The following MTPN variants were observed in gnomAD, a reference collection of about 807,000 sequenced individuals.
MTPN encodes granule cell differentiation protein.
Under a neutral mutation model 13.5 loss-of-function variants are expected in MTPN, and 2 were observed. The observed-to-expected ratio is 0.15, with a 90% CI of 0.06 to 0.47. The LOEUF (loss-of-function observed/expected upper bound fraction) is 0.47, where lower values mean the gene tolerates loss of function less well. Ranked by LOEUF, MTPN falls within the 20% of genes least tolerant of loss-of-function variation. The pLI is 0.97. For missense variants in MTPN, 79 were observed against 137.9 expected, an observed-to-expected ratio of 0.57 and a Z score of 2.14; for synonymous variants, 46 against 51.7, an observed-to-expected ratio of 0.89 and a Z score of 0.48.
chr7:135,934,449 T>G (rs1209291743), intron 3 of MTPN, among the ~76,000 whole-genome samples: 1 of 152,202 alleles, frequency 6.6e-6, no homozygotes, highest in Non-Finnish European at 1.5e-5. Flanking sequence ...TTGTAATGAT[T>G]TGGAAGTGAC....
chr7:135,930,241 G>A (rs571043559), intron 3 of MTPN, among the ~76,000 whole-genome samples: 1 of 152,246 alleles, frequency 6.6e-6, no homozygotes, highest in East Asian at 1.9e-4. Flanking sequence ...GGCAATCACT[G>A]GCTTTTATTT....
chr7:135,951,030 G>A (rs1236185080), intron 2 of MTPN, among the ~76,000 whole-genome samples: 1 of 152,152 alleles, frequency 6.6e-6, no homozygotes, highest in Non-Finnish European at 1.5e-5. Flanking sequence ...GAAAACAGGG[G>A]TAAAACACAG....
chr7:135,942,165 A>G (rs1799224370), intron 3 of MTPN, among the ~76,000 whole-genome samples: 1 of 152,132 alleles, frequency 6.6e-6, no homozygotes, highest in South Asian at 2.1e-4. Flanking sequence ...CTGGGATTAC[A>G]GGCGTGAGCT....
chr7:135,960,186 T>G (rs1042129829), intron 1 of MTPN, among the ~76,000 whole-genome samples: 2 of 152,076 alleles, frequency 1.3e-5, no homozygotes, highest in African/African-American at 4.8e-5. Context: ...AATTATATCA[T>G]GTGATTAAAG....
At chr7:135,972,847 T>G (rs1249783350) in intron 1 of MTPN, among the ~76,000 whole-genome samples, 1 of 146,710 alleles carries the variant, frequency 6.8e-6, no homozygotes, top group Non-Finnish European at 1.5e-5. Context: ...TTAGAGGTGA[T>G]ACTTACCCTA....
At chr7:135,942,654 T>C (rs1799233048) in intron 3 of MTPN, among the ~76,000 whole-genome samples, 3 of 152,238 alleles carry the variant, frequency 2.0e-5, no homozygotes, top group Non-Finnish European at 4.4e-5. Flanking sequence ...CTCAAAACTG[T>C]ACTTGTACAT....
intron 1 of MTPN, among the ~76,000 whole-genome samples, chr7:135,963,539 C>T (rs370162568): frequency 2.0e-5 from 3 of 152,108 alleles, no homozygotes; most frequent in African/African-American, 4.8e-5. Flanking sequence ...GAAAAACAGA[C>T]AGATGGCACA....
At chr7:135,974,722 A>G (rs1051024098) in intron 1 of MTPN, among the ~76,000 whole-genome samples, 1 of 152,204 alleles carries the variant, frequency 6.6e-6, no homozygotes, top group African/African-American at 2.4e-5. Flanking sequence ...TTCTTTGTAC[A>G]CACCTACTCA....
intron 1 of MTPN, among the ~76,000 whole-genome samples, chr7:135,969,282 AG>A: frequency 6.6e-6 from 1 of 151,452 alleles, no homozygotes; most frequent in East Asian, 1.9e-4. Context: ...AGAAATTACT[AG>A]AAAAAATATT....
At chr7:135,934,321 C>T (rs567352827) in intron 3 of MTPN, among the ~76,000 whole-genome samples, 1 of 152,272 alleles carries the variant, frequency 6.6e-6, no homozygotes, top group South Asian at 2.1e-4. Flanking sequence ...AAGTTCCTTC[C>T]ATTCTGTTGA....
chr7:135,974,405 G>A (rs1039571020), intron 1 of MTPN, among the ~76,000 whole-genome samples: 23 of 152,142 alleles, frequency 1.5e-4, no homozygotes, highest in Middle Eastern at 3.4e-3. Context: ...GCTGGGTGTC[G>A]TGGTGTACAT....
chr7:135,949,626 A>G (rs548702274), intron 3 of MTPN, among the ~76,000 whole-genome samples: 4 of 152,202 alleles, frequency 2.6e-5, no homozygotes, highest in Admixed American at 6.5e-5. Context: ...TTTTAGAACC[A>G]TATCTTTACA....
intron 2 of MTPN, 50 bp downstream of exon 2, chr7:135,951,467 T>C (rs764008245): frequency 8.9e-7 from 1 of 1,118,818 alleles, no homozygotes; most frequent in Non-Finnish European, 1.3e-6. Flanking sequence ...CAATTACCCA[T>C]AGCATATTAA....
intron 1 of MTPN, among the ~76,000 whole-genome samples, chr7:135,972,696 A>C (rs1287691402): frequency 6.6e-6 from 1 of 152,112 alleles, no homozygotes; most frequent in Non-Finnish European, 1.5e-5. Context: ...GATGAGCAAA[A>C]CAGTAAAAGA....
chr7:135,951,464 C>A, intron 2 of MTPN, 53 bp downstream of exon 2: 3 of 1,055,420 alleles, frequency 2.8e-6, no homozygotes, highest in Non-Finnish European at 2.8e-6. Flanking sequence ...AAACAATTAC[C>A]CATAGCATAT....
chr7:135,942,045 G>A (rs534871584), intron 3 of MTPN, among the ~76,000 whole-genome samples: 2 of 151,738 alleles, frequency 1.3e-5, no homozygotes, highest in Admixed American at 6.6e-5. Flanking sequence ...CACCACGCCC[G>A]GCTAATTTTT....
In MTPN at chr7:135,927,170, A is replaced by G. The variant is rs1479745614; in HGVS notation, c.*2756T>C. ...AATCAAACAGATACATACAGATTTA[A>G]AATCCAGTACTTGGGAAAAGATATC... On this transcript the variant is annotated 3_prime_UTR_variant, in exon 4 of 4. Coordinates refer to ENST00000393085, the MANE Select transcript of MTPN (RefSeq NM_145808.4). The G allele has an allele frequency of 1.2e-6, 1 of 859,708 alleles. No homozygotes were observed. The highest frequency in any genetic ancestry group is 3.5e-5 in the Admixed American group (1 of 28,816). 53.3% of individuals were successfully genotyped at this position (859,708 alleles called of 1,614,324 possible).
chr7:135,935,559 A>C (rs1799102802), intron 3 of MTPN, among the ~76,000 whole-genome samples: 1 of 152,038 alleles, frequency 6.6e-6, no homozygotes, highest in African/African-American at 2.4e-5. Flanking sequence ...ACACAACTCT[A>C]ATTCAGACTC....
intron 1 of MTPN, among the ~76,000 whole-genome samples, chr7:135,955,386 C>T (rs966086907): frequency 2.6e-5 from 4 of 152,134 alleles, no homozygotes; most frequent in Non-Finnish European, 5.9e-5. Context: ...CTCTAGCAAA[C>T]GTCATCAGGA....
Sources: gnomAD v4.1 joint callset for allele counts (sites outside exome capture counted in the v4.1 genomes callset) on GRCh38, gnomAD v4.1.1 for gene constraint, MANE v1.5 for transcripts, NCBI Gene and HGNC (gene_info 2026-07-23, HGNC 2026-07-21) for gene names.